KALRN: variants seen among roughly 807,000 people sequenced by gnomAD.
KALRN encodes the protein kalirin.
KALRN carries 70 observed loss-of-function variants against 353.7 expected under a neutral mutation model. The ratio of observed to expected loss-of-function variants is 0.20; its 90% CI spans 0.16 to 0.24. The LOEUF is 0.24. Ranked by LOEUF, KALRN falls within the 10% of genes least tolerant of loss-of-function variation. The pLI is 1.00. For synonymous variants in KALRN, 1,391 were observed against 1,434.8 expected (o/e 0.97, Z 0.69); for missense variants, 2,791 against 3,756.7 (o/e 0.74, Z 6.72).
intron 51 of KALRN, among the ~76,000 whole-genome samples, chr3:124,691,650 C>T (rs1302666042): frequency 6.6e-6 from 1 of 152,082 alleles, no homozygotes; most frequent in African/African-American, 2.4e-5. Flanking sequence ...ACAAAGCCAC[C>T]CTTAAACCTA....
At chr3:124,517,832 T>C (rs1172511230) in intron 33 of KALRN, among the ~76,000 whole-genome samples, 1 of 152,208 alleles carries the variant, frequency 6.6e-6, no homozygotes, top group African/African-American at 2.4e-5. Context: ...CGATGTACTA[T>C]ATAAATGGGT....
At position 124,143,680 on chromosome 3, in the gene KALRN, T is replaced by G. The variant is rs79286670; in HGVS notation, c.74-84310T>G. 7.2e-4 allele frequency among the ~76,000 whole-genome samples: 110 copies of G among 152,244 alleles called. No homozygotes were observed. The South Asian group carries it at 0.015, about 20-fold the overall frequency. ...AGAGAAACATACCAGAAAATACCTATTAATGCTAGTGATGGAATGCCATCT... is the reference window on the plus strand; with the variant it reads ...AGAGAAACATACCAGAAAATACCTAGTAATGCTAGTGATGGAATGCCATCT... On this transcript the variant is annotated intron_variant, in intron 1 of 59. Coordinates refer to ENST00000682506, the MANE Select transcript of KALRN (RefSeq NM_001388419.1).
intron 3 of KALRN, among the ~76,000 whole-genome samples, chr3:124,250,491 C>CGGGA (rs1247132365): frequency 3.3e-5 from 5 of 152,184 alleles, no homozygotes; most frequent in African/African-American, 1.2e-4. Flanking sequence ...TCTTGAGTCC[C>CGGGA]CTCAGCTCTC....
chr3:124,581,591 A>G (rs2074637502), intron 34 of KALRN, among the ~76,000 whole-genome samples: 1 of 152,178 alleles, frequency 6.6e-6, no homozygotes, highest in South Asian at 2.1e-4. Context: ...ATCCAGTGTT[A>G]TCTGAACACA....
At chr3:124,356,859 T>C (rs2083475820) in intron 10 of KALRN, among the ~76,000 whole-genome samples, 1 of 152,168 alleles carries the variant, frequency 6.6e-6, no homozygotes, top group Non-Finnish European at 1.5e-5. Flanking sequence ...AGACTCTCTC[T>C]CAGTCTCAAC....
intron 1 of KALRN, among the ~76,000 whole-genome samples, chr3:124,058,485 T>C (rs886369774): frequency 6.6e-6 from 1 of 152,216 alleles, no homozygotes; most frequent in African/African-American, 2.4e-5. Flanking sequence ...TTTGTGCTTT[T>C]ATTCAGTAAC....
At chr3:124,176,639 A>G (rs767792192) in intron 1 of KALRN, among the ~76,000 whole-genome samples, 1 of 152,226 alleles carries the variant, frequency 6.6e-6, no homozygotes, top group African/African-American at 2.4e-5. Context: ...AAGCTTAACC[A>G]TCAACTGTAT....
intron 21 of KALRN, 117 bp downstream of exon 21, chr3:124,447,002 A>AG: frequency 8.5e-7 from 1 of 1,180,698 alleles, no homozygotes; most frequent in Non-Finnish European, 1.2e-6. Flanking sequence ...TACAGTGGCA[A>AG]GGGGGGAAGC....
At chr3:124,158,088 C>A (rs1468278089) in intron 1 of KALRN, among the ~76,000 whole-genome samples, 1 of 152,192 alleles carries the variant, frequency 6.6e-6, no homozygotes, top group Admixed American at 6.5e-5. Flanking sequence ...CACAGGTGTG[C>A]CTTGTAAACT....
At chr3:124,181,097 A>T (rs2073525360) in intron 1 of KALRN, among the ~76,000 whole-genome samples, 1 of 149,928 alleles carries the variant, frequency 6.7e-6, no homozygotes, top group Non-Finnish European at 1.5e-5. Flanking sequence ...AAAAAAAAAA[A>T]AAAATTAGCC....
intron 1 of KALRN, among the ~76,000 whole-genome samples, chr3:124,110,551 A>T (rs1043033745): frequency 2.2e-4 from 34 of 151,342 alleles, no homozygotes; most frequent in African/African-American, 8.0e-4. Context: ...GCTATTCCTG[A>T]TGATCCTTCT....
At chr3:124,529,493 G>T (rs866746148) in intron 33 of KALRN, among the ~76,000 whole-genome samples, 1 of 152,086 alleles carries the variant, frequency 6.6e-6, no homozygotes, top group Non-Finnish European at 1.5e-5. Flanking sequence ...CGAGGGCCAG[G>T]GTCGTTTAAC....
chr3:124,179,412 A>G (rs1037604942), intron 1 of KALRN, among the ~76,000 whole-genome samples: 1 of 152,230 alleles, frequency 6.6e-6, no homozygotes, highest in East Asian at 1.9e-4. Context: ...CAGGGGCAAT[A>G]ACACACATGG....
chr3:124,212,302 C>G (rs946081924), intron 1 of KALRN, among the ~76,000 whole-genome samples: 1 of 151,588 alleles, frequency 6.6e-6, no homozygotes, highest in South Asian at 2.1e-4. Context: ...CATCAAATCA[C>G]TATTTCAGAA....
intron 9 of KALRN, among the ~76,000 whole-genome samples, chr3:124,338,349 T>G (rs185444035): frequency 6.6e-6 from 1 of 152,326 alleles, no homozygotes; most frequent in African/African-American, 2.4e-5. Flanking sequence ...TTGTTCTCAT[T>G]GGTGTCAAAG....
At position 124,723,196 on chromosome 3, in the gene KALRN, A is replaced by T. The variant is rs1341263478; in HGVS notation, c.*3726A>T. 2.0e-5 allele frequency: 3 copies of T among 152,124 alleles called. No homozygotes were observed. The highest frequency in any genetic ancestry group is 4.4e-5 in the Non-Finnish European group (3 of 68,022). The allele number at this position is 152,124 out of a possible 1,614,324, so 9.4% of individuals were successfully genotyped here. A position where few individuals can be genotyped will look rare whatever the true frequency, so the allele number is the denominator to read the frequency against. On this transcript the variant is annotated 3_prime_UTR_variant, in exon 60 of 60. Coordinates refer to ENST00000682506, the MANE Select transcript of KALRN (RefSeq NM_001388419.1). The stretch of plus-strand genomic sequence containing the variant: ...ATAGTAGTGCCTTTCAGAGGGGAGG[A>T]TGGGAGATAAAGAAGTTCATTGCAT...
At chr3:124,042,786 C>T (rs867549293) in intron 1 of KALRN, among the ~76,000 whole-genome samples, 4 of 151,878 alleles carry the variant, frequency 2.6e-5, no homozygotes, top group Non-Finnish European at 2.9e-5. Flanking sequence ...AGCTAAGGGA[C>T]GTGTGGATTC....
rs377624275 is a variant in KALRN at position 124,605,584 on chromosome 3, A to AGAGAGAG, written c.5183-26836_5183-26835insGAGAGAG. On this transcript the variant is annotated intron_variant, in intron 34 of 59. Transcript: ENST00000682506. Reference sequence around the variant, plus strand: ...TGGGACTCCATCTAAAAAAAAAAAAAAAAGAGAGAGAGAGAATAGGTGCAT... The same window carrying AGAGAGAG: ...TGGGACTCCATCTAAAAAAAAAAAAAGAGAGAGAAAGAGAGAGAGAGAATAGGTGCAT... Among the ~76,000 whole-genome samples, 11 of 132,132 alleles carry AGAGAGAG rather than the reference A, an allele frequency of 8.3e-5. No individual in the cohort carries two copies. The East Asian group carries it at 1.8e-3, about 21-fold the overall frequency. 86.7% of individuals were successfully genotyped at this position (132,132 alleles called of 152,430 possible).
intron 1 of KALRN, among the ~76,000 whole-genome samples, chr3:124,216,125 A>G (rs747130395): frequency 1.4e-4 from 21 of 152,336 alleles, no homozygotes; most frequent in Middle Eastern, 3.4e-3. Flanking sequence ...ACCACCTCTA[A>G]TAAAGCTTAT....
Sources: allele counts gnomAD v4.1 joint callset (sites outside exome capture counted in the v4.1 genomes callset), GRCh38; gene constraint gnomAD v4.1.1; transcripts MANE v1.5; gene names NCBI Gene and HGNC (gene_info 2026-07-23, HGNC 2026-07-21).